ARHGAP24: variants seen among roughly 807,000 people sequenced by gnomAD.
ARHGAP24 encodes rho GTPase-activating protein 24.
Under a neutral mutation model 76.4 loss-of-function variants are expected in ARHGAP24, and 50 were observed. That is an observed-to-expected ratio of 0.65 (90% CI 0.52 to 0.83). ARHGAP24 has a LOEUF of 0.83. Among genes scored for constraint, ARHGAP24 ranks in the 40% least tolerant of loss-of-function variants. The probability of loss-of-function intolerance (pLI) is 0.00; values close to 1 mark genes in which losing one functional copy is unlikely to be tolerated. For synonymous variants in ARHGAP24, 345 were observed against 323.3 expected (o/e 1.07, Z -0.72); for missense variants, 930 against 914.2 (o/e 1.02, Z -0.22).
Position 85,896,753 on chromosome 4 carries a change from G to C in ARHGAP24, c.269-26895G>C, listed in dbSNP as rs1227732038. Among the ~76,000 whole-genome samples the C allele has an allele frequency of 2.6e-5, 4 of 152,184 alleles. No homozygotes were observed. In the East Asian group the frequency reaches 7.7e-4, roughly 29 times the overall value. ...CAATATTGCAATAGTCATTCTTTCT[G>C]TTTGGGGAGCCTCTGTTGAATGTCC... On this transcript the variant is annotated intron_variant, in intron 3 of 9. Transcript: ENST00000395184.
chr4:85,884,535 C>G (rs1733447824), intron 3 of ARHGAP24, among the ~76,000 whole-genome samples: 1 of 152,144 alleles, frequency 6.6e-6, no homozygotes, highest in Non-Finnish European at 1.5e-5. Context: ...TCACCCTTAG[C>G]TGATGAAGGA....
chr4:85,802,467 A>G (rs1728617376), intron 3 of ARHGAP24, among the ~76,000 whole-genome samples: 1 of 152,210 alleles, frequency 6.6e-6, no homozygotes, highest in African/African-American at 2.4e-5. Flanking sequence ...ACATGTTCAG[A>G]GAAGGAGATA....
chr4:85,600,998 C>T (rs924927703), intron 2 of ARHGAP24, among the ~76,000 whole-genome samples: 5 of 152,140 alleles, frequency 3.3e-5, no homozygotes, highest in Non-Finnish European at 7.4e-5. Flanking sequence ...GTGACTTTTA[C>T]AGGACAAAAG....
At chr4:85,539,879 C>G (rs1047819493) in intron 1 of ARHGAP24, among the ~76,000 whole-genome samples, 4 of 151,988 alleles carry the variant, frequency 2.6e-5, no homozygotes, top group Admixed American at 6.6e-5. Flanking sequence ...CATTGTGAAC[C>G]CGCATCTCTA....
chr4:85,813,816 TTTTA>T (rs1560647115), intron 3 of ARHGAP24, among the ~76,000 whole-genome samples: 1 of 95,562 alleles, frequency 1.0e-5, no homozygotes, highest in East Asian at 3.4e-4. Context: ...TATATATTTA[TTTTA>T]TATATATATA....
intron 2 of ARHGAP24, among the ~76,000 whole-genome samples, chr4:85,661,730 A>C (rs1722395688): frequency 6.9e-6 from 1 of 144,128 alleles, no homozygotes; most frequent in African/African-American, 2.6e-5. Context: ...ATGTGTTCTC[A>C]TTGTTGAATT....
At chr4:85,599,066 A>G (rs1719944101) in intron 2 of ARHGAP24, among the ~76,000 whole-genome samples, 1 of 152,166 alleles carries the variant, frequency 6.6e-6, no homozygotes, top group South Asian at 2.1e-4. Flanking sequence ...TCAACGAGCC[A>G]CATTTCACAT....
intron 4 of ARHGAP24, among the ~76,000 whole-genome samples, chr4:85,929,105 C>T (rs919036911): frequency 2.2e-4 from 33 of 152,242 alleles, no homozygotes; most frequent in African/African-American, 7.2e-4. Flanking sequence ...TACAGGAGTT[C>T]CCTGTAGATC....
At position 85,691,928 on chromosome 4, in the gene ARHGAP24, G is replaced by A. The variant is rs1474462201; in HGVS notation, c.181-29957G>A. 2.6e-5 allele frequency among the ~76,000 whole-genome samples: 4 copies of A among 152,022 alleles called. No individual in the cohort carries two copies. In the East Asian group the frequency reaches 7.7e-4, roughly 29 times the overall value. Reference sequence around the variant, plus strand: ...GAGTTGTTGCTTTATAGTGTCTGTGGGCTATGTACTTAATTGTGTTTGTTT... The same window carrying A: ...GAGTTGTTGCTTTATAGTGTCTGTGAGCTATGTACTTAATTGTGTTTGTTT... On this transcript the variant is annotated intron_variant, in intron 2 of 9. Transcript: ENST00000395184.
chr4:85,847,587 A>G (rs1430605869), intron 3 of ARHGAP24, among the ~76,000 whole-genome samples: 1 of 152,152 alleles, frequency 6.6e-6, no homozygotes, highest in Non-Finnish European at 1.5e-5. Flanking sequence ...GGCCTAAGGA[A>G]GGCTGCTGTG....
intron 3 of ARHGAP24, among the ~76,000 whole-genome samples, chr4:85,761,472 T>C (rs1407727494): frequency 2.6e-5 from 4 of 152,132 alleles, no homozygotes; most frequent in African/African-American, 9.7e-5. Context: ...AATTCTCCTA[T>C]TGATTCCTCC....
At chr4:85,828,911 A>G (rs1181466444) in intron 3 of ARHGAP24, among the ~76,000 whole-genome samples, 1 of 152,134 alleles carries the variant, frequency 6.6e-6, no homozygotes, top group African/African-American at 2.4e-5. Context: ...AAGTATAGGA[A>G]TTTGGTACTG....
rs891890716 is a variant in ARHGAP24 at position 85,491,424 on chromosome 4, G to T, written c.-21+15865G>T. The stretch of plus-strand genomic sequence containing the variant: ...AAGTAACAGAAACTGTTCTATTCTG[G>T]TATTAATTGCCACTTACTGTTCTTG... On this transcript the variant is annotated intron_variant, in intron 1 of 9. Coordinates refer to ENST00000395184, the MANE Select transcript of ARHGAP24 (RefSeq NM_001025616.3). Among the ~76,000 whole-genome samples the T allele has an allele frequency of 2.6e-5, 4 of 152,108 alleles. No individual in the cohort carries two copies. In the East Asian group the frequency reaches 7.7e-4, roughly 29 times the overall value.
chr4:85,492,022 C>CTTTTTTTTTTTTTTTTTTTTTTTTTTTT (rs1560507162), intron 1 of ARHGAP24, among the ~76,000 whole-genome samples: 1 of 151,758 alleles, frequency 6.6e-6, no homozygotes, highest in African/African-American at 2.4e-5. Context: ...CATTTTGGTT[C>CTTTTTTTTTTTTTTTTTTTTTTTTTTTT]TTTTTATTTC....
In ARHGAP24 at chr4:85,498,555, C is replaced by T. The variant is rs374390623; in HGVS notation, c.-21+22996C>T. On this transcript the variant is annotated intron_variant, in intron 1 of 9. Coordinates refer to ENST00000395184, the MANE Select transcript of ARHGAP24 (RefSeq NM_001025616.3). The stretch of plus-strand genomic sequence containing the variant: ...TCCCTGCCCCAAATGGGGAAATCCA[C>T]GGGCCTGTGTAGATGTCTTGGCCAC... Among the ~76,000 whole-genome samples the T allele has an allele frequency of 1.5e-4, 23 of 152,318 alleles. No individual in the cohort carries two copies. In the East Asian group the frequency reaches 2.7e-3, roughly 18 times the overall value.
At chr4:85,913,709 GC>G (rs1409570235) in intron 3 of ARHGAP24, among the ~76,000 whole-genome samples, 1 of 152,104 alleles carries the variant, frequency 6.6e-6, no homozygotes, top group Admixed American at 6.5e-5. Context: ...TGAATGCTCT[GC>G]TTTACCTCCT....
chr4:85,859,802 G>A (rs1349843778), intron 3 of ARHGAP24, among the ~76,000 whole-genome samples: 5 of 152,052 alleles, frequency 3.3e-5, no homozygotes, highest in Non-Finnish European at 7.4e-5. Context: ...TTTGCAGCAG[G>A]TGGGAAGAAA....
Position 85,922,903 on chromosome 4 carries a change from C to T in ARHGAP24, c.269-745C>T, listed in dbSNP as rs544273995. On this transcript the variant is annotated intron_variant, in intron 3 of 9. Coordinates refer to ENST00000395184, the MANE Select transcript of ARHGAP24 (RefSeq NM_001025616.3). The stretch of plus-strand genomic sequence containing the variant: ...TAGAGATTATAAAGGTTTTAAAGTT[C>T]ATGAATTGTTCTTTGGGGAAAAATA... Among the ~76,000 whole-genome samples, 6 of 152,312 alleles carry T rather than the reference C, an allele frequency of 3.9e-5. No homozygotes were observed. In the South Asian group the frequency reaches 6.2e-4, roughly 16 times the overall value.
At chr4:85,625,320 TC>T (rs1720902873) in intron 2 of ARHGAP24, among the ~76,000 whole-genome samples, 1 of 152,234 alleles carries the variant, frequency 6.6e-6, no homozygotes, top group Admixed American at 6.5e-5. Flanking sequence ...TGCCTTCATT[TC>T]ATTACGTACC....
Sources: allele counts gnomAD v4.1 joint callset (sites outside exome capture counted in the v4.1 genomes callset), GRCh38; gene constraint gnomAD v4.1.1; transcripts MANE v1.5; gene names NCBI Gene and HGNC (gene_info 2026-07-23, HGNC 2026-07-21).